The following TBC1D19 variants were observed in gnomAD, a reference collection of about 807,000 sequenced individuals.
TBC1D19 encodes the protein TBC1 domain family member 19, also known as TBC1 domain family, member 19.
Under a neutral mutation model 89.0 loss-of-function variants are expected in TBC1D19, and 60 were observed. The observed-to-expected ratio is 0.67, with a 90% CI of 0.55 to 0.84. The LOEUF is 0.84. TBC1D19 is among the 40% of genes least tolerant of loss of function. TBC1D19 has a pLI of 0.00. For missense variants in TBC1D19, 500 were observed against 610.8 expected, an observed-to-expected ratio of 0.82 and a Z score of 1.91; for synonymous variants, 189 against 199.7, an observed-to-expected ratio of 0.95 and a Z score of 0.45.
intron 9 of TBC1D19, 91 bp from the exon 10 acceptor site, chr4:26,672,058 G>T (rs1260323511): frequency 5.0e-6 from 3 of 604,620 alleles, no homozygotes; most frequent in Non-Finnish European, 7.4e-6. Context: ...ATCATTAAAT[G>T]TATCAATACC....
chr4:26,754,809 T>G, intron 20 of TBC1D19, 64 bp from the exon 21 acceptor site: 4 of 1,312,912 alleles, frequency 3.0e-6, no homozygotes, highest in Non-Finnish European at 3.1e-6. Context: ...ACATTGTAAT[T>G]ATGTTTACCT....
chr4:26,653,501 G>A (rs1017650252), intron 7 of TBC1D19, among the ~76,000 whole-genome samples: 2 of 152,046 alleles, frequency 1.3e-5, no homozygotes, highest in Non-Finnish European at 2.9e-5. Flanking sequence ...TTATTGTGTG[G>A]GAGTCTAAGT....
chr4:26,797,146 T>C, the TBC1D19 span, among the ~76,000 whole-genome samples: 1 of 152,164 alleles, frequency 6.6e-6, no homozygotes, highest in Non-Finnish European at 1.5e-5. Flanking sequence ...AAGGCTCCTC[T>C]GAAAGATTCC....
At chr4:26,623,852 C>G (rs1187399003) in intron 4 of TBC1D19, among the ~76,000 whole-genome samples, 3 of 151,992 alleles carry the variant, frequency 2.0e-5, no homozygotes, top group African/African-American at 7.2e-5. Context: ...TGCTTTAATT[C>G]ACATCCTTAT....
At chr4:26,818,262 C>T in the TBC1D19 span, among the ~76,000 whole-genome samples, 1 of 152,088 alleles carries the variant, frequency 6.6e-6, no homozygotes, top group African/African-American at 2.4e-5. Flanking sequence ...GGGTCTTGCT[C>T]TGTTGTCCAG....
chr4:26,718,103 T>G (rs1490996089), intron 14 of TBC1D19, 86 bp downstream of exon 14: 1 of 978,826 alleles, frequency 1.0e-6, no homozygotes, highest in Non-Finnish European at 1.5e-6. Context: ...ATAGTGGTGT[T>G]GCCAAATTAT....
At chr4:26,666,980 T>C (rs1711867455) in intron 9 of TBC1D19, among the ~76,000 whole-genome samples, 1 of 151,948 alleles carries the variant, frequency 6.6e-6, no homozygotes, top group African/African-American at 2.4e-5. Flanking sequence ...TTCTAGTCTT[T>C]CCTCTGCCAC....
At chr4:26,702,493 A>G (rs1398022932) in intron 13 of TBC1D19, 3 of 152,216 alleles carry the variant, frequency 2.0e-5, no homozygotes, top group Non-Finnish European at 4.4e-5. Flanking sequence ...AAATTGTTTT[A>G]AAGTGTTTAT....
At chr4:26,671,520 G>GT (rs961254378) in intron 9 of TBC1D19, among the ~76,000 whole-genome samples, 10 of 151,182 alleles carry the variant, frequency 6.6e-5, no homozygotes, top group African/African-American at 1.5e-4. Flanking sequence ...ATGAACAGAA[G>GT]TTTTTTTTTA....
At chr4:26,641,376 A>G (rs1464815737) in intron 7 of TBC1D19, among the ~76,000 whole-genome samples, 2 of 152,230 alleles carry the variant, frequency 1.3e-5, no homozygotes, top group African/African-American at 4.8e-5. Context: ...AAGGAATAGC[A>G]TCAACATCAA....
chr4:26,769,602 G>T, the TBC1D19 span, among the ~76,000 whole-genome samples: 1 of 151,844 alleles, frequency 6.6e-6, no homozygotes, highest in Non-Finnish European at 1.5e-5. Flanking sequence ...GAGTGTAGTG[G>T]TGTGAACTCA....
chr4:26,785,500 C>T, the TBC1D19 span, among the ~76,000 whole-genome samples: 13 of 152,126 alleles, frequency 8.5e-5, no homozygotes, highest in Non-Finnish European at 1.0e-4. Flanking sequence ...ACAATGATGA[C>T]GATGATGATG....
intron 1 of TBC1D19, 80 bp downstream of exon 1, chr4:26,584,372 A>G: frequency 1.5e-6 from 2 of 1,365,640 alleles, no homozygotes; most frequent in East Asian, 2.5e-5. Context: ...CACCCAAGCC[A>G]GAGCTCGCCT....
the TBC1D19 span, among the ~76,000 whole-genome samples, chr4:26,781,643 G>A: frequency 6.6e-6 from 1 of 152,130 alleles, no homozygotes; most frequent in Non-Finnish European, 1.5e-5. Flanking sequence ...TGAGGATAAT[G>A]GTATTTTTAG....
intron 13 of TBC1D19, among the ~76,000 whole-genome samples, chr4:26,694,481 C>T (rs937581365): frequency 3.3e-5 from 5 of 152,200 alleles, no homozygotes; most frequent in Admixed American, 3.3e-4. Context: ...CCGGGCATAG[C>T]CGAACAAAAG....
the TBC1D19 span, among the ~76,000 whole-genome samples, chr4:26,833,417 A>G: frequency 6.6e-6 from 1 of 152,194 alleles, no homozygotes; most frequent in Non-Finnish European, 1.5e-5. Flanking sequence ...TCATATTTCT[A>G]CCAACACAAA....
chr4:26,748,502 T>C lies in TBC1D19; in HGVS notation c.1411T>C (p.Tyr471His), dbSNP rs745971756. 7 of 1,613,198 alleles carry C rather than the reference T, an allele frequency of 4.3e-6. No homozygotes were observed. In the African/African-American group the frequency reaches 9.3e-5, roughly 22 times the overall value. The change falls in exon 19 of 21, where the codon TAC becomes CAC. Residue 471 changes from tyrosine (Y) to histidine (H), a missense_variant. By Grantham distance (83) the Tyr-to-His change is moderately conservative. This residue lies in a region of TBC1D19 where 220 missense variants were observed against 319.1 expected (regional missense o/e 0.69). Coordinates refer to ENST00000264866, the MANE Select transcript of TBC1D19 (RefSeq NM_018317.4). Reference sequence around the variant, plus strand: ...GCTTTTATGGGATAGAATCCTAGGATACAACTCTCTGGAAATTCTTGCTGG... The same window carrying C: ...GCTTTTATGGGATAGAATCCTAGGACACAACTCTCTGGAAATTCTTGCTGG... Reference protein sequence around the residue: ...LLLLWDRILGYNSLEILAVLA... With the variant: ...LLLLWDRILGHNSLEILAVLA...
intron 9 of TBC1D19, among the ~76,000 whole-genome samples, chr4:26,670,760 C>A (rs534438644): frequency 1.3e-5 from 2 of 151,688 alleles, no homozygotes; most frequent in East Asian, 3.9e-4. Context: ...AACTATTCTG[C>A]CTTCTGACAT....
intron 8 of TBC1D19, among the ~76,000 whole-genome samples, chr4:26,664,021 A>G (rs1336969461): frequency 6.6e-6 from 1 of 152,200 alleles, no homozygotes; most frequent in Non-Finnish European, 1.5e-5. Flanking sequence ...GTGTGGTTCA[A>G]TATTTATTGA....
Sources: allele counts gnomAD v4.1 joint callset (sites outside exome capture counted in the v4.1 genomes callset), GRCh38; gene constraint gnomAD v4.1.1; regional missense constraint gnomAD v4.1.1; transcripts MANE v1.5; gene names NCBI Gene and HGNC (gene_info 2026-07-23, HGNC 2026-07-21).